KAZN: variants seen among roughly 807,000 people sequenced by gnomAD.
The protein encoded by KAZN is kazrin.
Under a neutral mutation model 87.4 loss-of-function variants are expected in KAZN, and 40 were observed. The observed-to-expected ratio is 0.46, with a 90% CI of 0.36 to 0.60. The LOEUF (loss-of-function observed/expected upper bound fraction) is 0.60, where lower values mean the gene tolerates loss of function less well. Among genes scored for constraint, KAZN ranks in the 20% least tolerant of loss-of-function variants. The probability of loss-of-function intolerance (pLI) is 0.00; values close to 1 mark genes in which losing one functional copy is unlikely to be tolerated. For synonymous variants in KAZN, 466 were observed against 458.3 expected (o/e 1.02, Z -0.22); for missense variants, 898 against 1,073.9 (o/e 0.84, Z 2.29).
At chr1:14,477,849 TG>T (rs1371151920) in intron 2 of KAZN, among the ~76,000 whole-genome samples, 33 of 152,190 alleles carry the variant, frequency 2.2e-4, no homozygotes, top group Non-Finnish European at 4.6e-4. Flanking sequence ...AGGAGATGAA[TG>T]GGGCCGTGGA....
chr1:14,677,851 T>C (rs1279416346), intron 1 of KAZN, among the ~76,000 whole-genome samples: 1 of 152,066 alleles, frequency 6.6e-6, no homozygotes, highest in African/African-American at 2.4e-5. Flanking sequence ...GTATGCAGAG[T>C]ACAGCAGCCC....
chr1:14,910,279 T>C (rs1657108039), intron 1 of KAZN, among the ~76,000 whole-genome samples: 1 of 152,086 alleles, frequency 6.6e-6, no homozygotes, highest in Non-Finnish European at 1.5e-5. Flanking sequence ...TCCATATCCA[T>C]CACAATGACA....
chr1:14,733,501 G>A (rs1478615914), intron 1 of KAZN, among the ~76,000 whole-genome samples: 1 of 152,146 alleles, frequency 6.6e-6, no homozygotes, highest in African/African-American at 2.4e-5. Context: ...CGTGCCGTAG[G>A]GTGGGACCTC....
intron 1 of KAZN, among the ~76,000 whole-genome samples, chr1:14,101,170 A>G (rs1644241766): frequency 6.6e-6 from 1 of 152,080 alleles, no homozygotes; most frequent in Admixed American, 6.5e-5. Flanking sequence ...CCAGATGCCC[A>G]CTAAAAGCCA....
At chr1:14,943,073 T>G (rs1458819212) in intron 1 of KAZN, among the ~76,000 whole-genome samples, 2 of 103,032 alleles carry the variant, frequency 1.9e-5, no homozygotes, top group East Asian at 7.1e-4. Flanking sequence ...GCCTTGGGTT[T>G]TTTTTTTTTT....
In KAZN at chr1:14,796,060, G is replaced by C. The variant is rs1645818440; in HGVS notation, c.227-164624G>C. On this transcript the variant is annotated intron_variant, in intron 1 of 14. Coordinates refer to ENST00000376030, the MANE Select transcript of KAZN (RefSeq NM_201628.3). ...TCCTCATGGGAGGAATCTATCCTCTGCCTGAGGTAGGCCCCACTTCGCCTC... is the reference window on the plus strand; with the variant it reads ...TCCTCATGGGAGGAATCTATCCTCTCCCTGAGGTAGGCCCCACTTCGCCTC... Among the ~76,000 whole-genome samples, 6 of 152,150 alleles carry C rather than the reference G, an allele frequency of 3.9e-5. No homozygotes were observed. The South Asian group carries it at 1.2e-3, about 32-fold the overall frequency.
intron 1 of KAZN, among the ~76,000 whole-genome samples, chr1:14,171,158 T>C (rs1645947108): frequency 1.3e-5 from 2 of 152,244 alleles, no homozygotes; most frequent in Admixed American, 1.3e-4. Flanking sequence ...TTCCATTGTA[T>C]GGATATACCA....
chr1:14,614,167 T>A (rs887347715), intron 1 of KAZN, among the ~76,000 whole-genome samples: 2 of 152,208 alleles, frequency 1.3e-5, no homozygotes, highest in Non-Finnish European at 2.9e-5. Context: ...ATCCGTCATA[T>A]CATTTTCTCA....
At position 14,659,981 on chromosome 1, in the gene KAZN, G is replaced by A. The variant is rs558566440; in HGVS notation, c.226+60758G>A. On this transcript the variant is annotated intron_variant, in intron 1 of 14. Transcript: ENST00000376030. Reference sequence around the variant, plus strand: ...GGTTTTTTTCTTTCCCAACTGAAGGGATGAAAGGGCATCATAATTTTGTTT... The same window carrying A: ...GGTTTTTTTCTTTCCCAACTGAAGGAATGAAAGGGCATCATAATTTTGTTT... 4.1e-4 allele frequency among the ~76,000 whole-genome samples: 63 copies of A among 152,048 alleles called. 1 individual carries two copies. The South Asian group carries it at 0.013, about 31-fold the overall frequency.
chr1:15,063,782 C>T (rs572642495), intron 7 of KAZN, among the ~76,000 whole-genome samples, 160 bp downstream of exon 7: 9 of 146,642 alleles, frequency 6.1e-5, no homozygotes, highest in Non-Finnish European at 1.0e-4. Context: ...ACACCCAAGG[C>T]GGAGAGGATT....
At chr1:14,252,809 A>G (rs1650167248) in intron 2 of KAZN, among the ~76,000 whole-genome samples, 1 of 152,116 alleles carries the variant, frequency 6.6e-6, no homozygotes. Context: ...TTTATTCTGC[A>G]CTCATCTTAC....
rs574627466 is a variant in KAZN at position 14,684,698 on chromosome 1, A to G, written c.226+85475A>G. Among the ~76,000 whole-genome samples, 10 of 152,210 alleles carry G rather than the reference A, an allele frequency of 6.6e-5. No homozygotes were observed. The South Asian group carries it at 1.9e-3, about 28-fold the overall frequency. ...CTATCTTCAAAGCCAACAGTGTAGC[A>G]TCTTCTCTCTCTGACTCTGCTTGCC... On this transcript the variant is annotated intron_variant, in intron 1 of 14. Coordinates refer to ENST00000376030, the MANE Select transcript of KAZN (RefSeq NM_201628.3).
At chr1:14,855,779 A>G (rs1253471964) in intron 1 of KAZN, among the ~76,000 whole-genome samples, 1 of 152,222 alleles carries the variant, frequency 6.6e-6, no homozygotes, top group African/African-American at 2.4e-5. Context: ...TCAAGTGCAC[A>G]TGGGGAATAG....
At chr1:14,373,813 C>T (rs920748173) in intron 2 of KAZN, among the ~76,000 whole-genome samples, 8 of 152,044 alleles carry the variant, frequency 5.3e-5, no homozygotes, top group Admixed American at 6.6e-5. Context: ...CATGGGGAAT[C>T]GAGGCTTATA....
chr1:14,550,112 A>G (rs972428074), intron 2 of KAZN, among the ~76,000 whole-genome samples: 1 of 152,218 alleles, frequency 6.6e-6, no homozygotes, highest in African/African-American at 2.4e-5. Flanking sequence ...GGCTAGAGGG[A>G]GCCACTCTCA....
chr1:14,051,437 T>A (rs1484363616), intron 1 of KAZN, among the ~76,000 whole-genome samples: 4 of 152,174 alleles, frequency 2.6e-5, no homozygotes, highest in Non-Finnish European at 5.9e-5. Flanking sequence ...CTACCACGCC[T>A]GCTCTCTTAA....
At chr1:14,985,578 C>G (rs186498331) in intron 2 of KAZN, among the ~76,000 whole-genome samples, 8 of 151,984 alleles carry the variant, frequency 5.3e-5, no homozygotes, top group Admixed American at 1.3e-4. Context: ...AATGAGAAGG[C>G]GTTACCAGTA....
At chr1:15,013,713 C>G (rs1427507320) in intron 2 of KAZN, among the ~76,000 whole-genome samples, 4 of 151,270 alleles carry the variant, frequency 2.6e-5, no homozygotes, top group Non-Finnish European at 5.9e-5. Flanking sequence ...GAGATCGCAC[C>G]ATTGCACTCC....
intron 2 of KAZN, among the ~76,000 whole-genome samples, chr1:14,457,447 C>T (rs1490142908): frequency 6.6e-6 from 1 of 152,156 alleles, no homozygotes; most frequent in East Asian, 1.9e-4. Context: ...CAGTTTTACT[C>T]AATACAAATT....
Sources: allele counts gnomAD v4.1 joint callset (sites outside exome capture counted in the v4.1 genomes callset), GRCh38; gene constraint gnomAD v4.1.1; transcripts MANE v1.5; gene names NCBI Gene and HGNC (gene_info 2026-07-23, HGNC 2026-07-21).